Variants in RIMS1 observed in about 807,000 individuals in gnomAD.
The protein encoded by RIMS1 is regulating synaptic membrane exocytosis protein 1.
In RIMS1, 83 loss-of-function variants were observed where a neutral mutation model predicts 214.1. The observed-to-expected ratio is 0.39, with a 90% confidence interval of 0.32 to 0.47. The LOEUF is 0.47. Ranked by LOEUF, RIMS1 falls within the 20% of genes least tolerant of loss-of-function variation. RIMS1 has a pLI of 0.99. For missense variants in RIMS1, 2,050 were observed against 2,161.8 expected, an observed-to-expected ratio of 0.95 and a Z score of 1.03; for synonymous variants, 793 against 786.8, an observed-to-expected ratio of 1.01 and a Z score of -0.13.
chr6:72,381,387 A>G (rs1034712775), intron 29 of RIMS1, among the ~76,000 whole-genome samples: 2 of 152,242 alleles, frequency 1.3e-5, no homozygotes, highest in African/African-American at 4.8e-5. Flanking sequence ...TTTTAGAGGG[A>G]CATAATTTAG....
chr6:72,219,668 A>AG (rs566832686), intron 6 of RIMS1, among the ~76,000 whole-genome samples: 4 of 84,012 alleles, frequency 4.8e-5, no homozygotes, highest in Non-Finnish European at 9.2e-5. Context: ...AATAGCTTTG[A>AG]GGGTTTTTTT....
intron 2 of RIMS1, among the ~76,000 whole-genome samples, chr6:72,076,819 C>T (rs1832012095): frequency 6.6e-6 from 1 of 152,154 alleles, no homozygotes; most frequent in African/African-American, 2.4e-5. Flanking sequence ...TTCAAAGAAC[C>T]ATGTGGCTTG....
In RIMS1 at chr6:71,930,256, T is replaced by TA. The variant is rs577159414; in HGVS notation, c.165-38725dup. Among the ~76,000 whole-genome samples, 241 of 152,192 alleles carry TA rather than the reference T, an allele frequency of 1.6e-3. 4 individuals are homozygous for TA. Among genetic ancestry groups the TA allele is most frequent in the Admixed American group, 3.0e-3 (46 of 15,278 alleles). ...TAAATGGTGGCATTAAGAAAAGCTC[T>TA]AATTAACATTTAGAGACATATTTCA... On this transcript the variant is annotated intron_variant, in intron 1 of 33. Transcript: ENST00000521978.
chr6:72,226,571 G>A (rs548241030), intron 6 of RIMS1, among the ~76,000 whole-genome samples: 129 of 151,816 alleles, frequency 8.5e-4, no homozygotes, highest in Middle Eastern at 6.8e-3. Context: ...ATGAATTACC[G>A]GAAGTTAGGA....
At chr6:71,936,760 A>G (rs1218581730) in intron 1 of RIMS1, among the ~76,000 whole-genome samples, 1 of 152,218 alleles carries the variant, frequency 6.6e-6, no homozygotes, top group Non-Finnish European at 1.5e-5. Context: ...CCAGTGCCGC[A>G]TCCGTTTTGT....
chr6:72,029,235 G>A (rs1817401510), intron 2 of RIMS1, among the ~76,000 whole-genome samples: 1 of 151,958 alleles, frequency 6.6e-6, no homozygotes, highest in Non-Finnish European at 1.5e-5. Flanking sequence ...GCAAATATTT[G>A]GATCAAATGC....
intron 27 of RIMS1, among the ~76,000 whole-genome samples, chr6:72,312,722 G>A (rs2065104098): frequency 6.6e-6 from 1 of 152,076 alleles, no homozygotes; most frequent in Admixed American, 6.6e-5. Context: ...CTAAAGACCA[G>A]TCACTGCCTC....
chr6:72,283,987 G>T, intron 23 of RIMS1, 60 bp from the exon 24 acceptor site: 1 of 1,307,186 alleles, frequency 7.7e-7, no homozygotes, highest in Non-Finnish European at 1.1e-6. Flanking sequence ...GTTTATCATT[G>T]TATGATGTTA....
At chr6:71,973,986 A>AG (rs1366175494) in intron 2 of RIMS1, among the ~76,000 whole-genome samples, 2 of 152,166 alleles carry the variant, frequency 1.3e-5, no homozygotes, top group African/African-American at 4.8e-5. Context: ...CTGTACTGAG[A>AG]GGTGGTCCCT....
chr6:72,032,920 G>A (rs576213788), intron 2 of RIMS1, among the ~76,000 whole-genome samples: 1 of 152,082 alleles, frequency 6.6e-6, no homozygotes, highest in Non-Finnish European at 1.5e-5. Context: ...AGTACTGAAG[G>A]GTATATAAAA....
Position 71,923,632 on chromosome 6 carries a change from T to G in RIMS1, c.164+36445T>G, listed in dbSNP as rs118111677. Among the ~76,000 whole-genome samples the G allele has an allele frequency of 1.9e-3, 283 of 152,186 alleles. 5 individuals are homozygous for G. The East Asian group carries it at 0.051, about 27-fold the overall frequency. On this transcript the variant is annotated intron_variant, in intron 1 of 33. Coordinates refer to ENST00000521978, the MANE Select transcript of RIMS1 (RefSeq NM_014989.7). ...TCCCAGCTGGAGTGCAGTGGCGTGA[T>G]CTTGGCTCACCGCAATCACAGCCTC...
At chr6:72,306,916 A>G (rs1045541173) in intron 26 of RIMS1, among the ~76,000 whole-genome samples, 1 of 150,568 alleles carries the variant, frequency 6.6e-6, no homozygotes, top group African/African-American at 2.5e-5. Context: ...ATGTACATGC[A>G]ACAAACAGTT....
chr6:72,350,336 T>A (rs994261876), intron 29 of RIMS1, among the ~76,000 whole-genome samples: 1 of 152,052 alleles, frequency 6.6e-6, no homozygotes, highest in Non-Finnish European at 1.5e-5. Context: ...TTCTGAGAGG[T>A]TTGTAGCTTC....
At chr6:71,895,885 G>A (rs1377511842) in intron 1 of RIMS1, among the ~76,000 whole-genome samples, 2 of 152,066 alleles carry the variant, frequency 1.3e-5, no homozygotes, top group African/African-American at 4.8e-5. Flanking sequence ...TTCTATCCAG[G>A]TCAGAAAGAT....
chr6:72,002,817 T>A (rs1460512519), intron 2 of RIMS1, among the ~76,000 whole-genome samples: 1 of 152,134 alleles, frequency 6.6e-6, no homozygotes, highest in Non-Finnish European at 1.5e-5. Flanking sequence ...CCTGGAGTGT[T>A]GTTTACCCTT....
chr6:72,204,551 G>T (rs1053922463), intron 6 of RIMS1, among the ~76,000 whole-genome samples: 1 of 152,116 alleles, frequency 6.6e-6, no homozygotes, highest in African/African-American at 2.4e-5. Flanking sequence ...TCTATCTCTA[G>T]CTGTGATTTA....
At chr6:71,979,233 G>A (rs1473011982) in intron 2 of RIMS1, among the ~76,000 whole-genome samples, 1 of 152,024 alleles carries the variant, frequency 6.6e-6, no homozygotes, top group Non-Finnish European at 1.5e-5. Context: ...GTATGTGTAT[G>A]TAACTAAGGT....
chr6:71,931,921 G>A (rs1227572544), intron 1 of RIMS1, among the ~76,000 whole-genome samples: 3 of 151,948 alleles, frequency 2.0e-5, no homozygotes, highest in African/African-American at 7.2e-5. Context: ...CAAAACCACA[G>A]TGAGATACCA....
intron 1 of RIMS1, among the ~76,000 whole-genome samples, chr6:71,947,713 A>G (rs886816301): frequency 2.6e-5 from 4 of 152,174 alleles, no homozygotes; most frequent in South Asian, 2.1e-4. Flanking sequence ...CCACAAGAAA[A>G]CAATAAGTAT....
Sources: gnomAD v4.1 joint callset for allele counts (sites outside exome capture counted in the v4.1 genomes callset) on GRCh38, gnomAD v4.1.1 for gene constraint, MANE v1.5 for transcripts, NCBI Gene and HGNC (gene_info 2026-07-23, HGNC 2026-07-21) for gene names.